Variants in CTNNA2 observed in about 807,000 individuals in gnomAD.
CTNNA2 encodes the protein catenin alpha-2.
CTNNA2 carries 42 observed loss-of-function variants against 101.0 expected under a neutral mutation model. The observed-to-expected ratio is 0.42, with a 90% CI of 0.32 to 0.54. CTNNA2 has a LOEUF of 0.54. CTNNA2 is among the 20% of genes least tolerant of loss of function. The probability of loss-of-function intolerance (pLI) is 0.14; values close to 1 mark genes in which losing one functional copy is unlikely to be tolerated. For synonymous variants in CTNNA2, 450 were observed against 456.4 expected (o/e 0.99, Z 0.18); for missense variants, 871 against 1,223.1 (o/e 0.71, Z 4.29).
chr2:79,707,754 A>T (rs1328145069), intron 2 of CTNNA2, among the ~76,000 whole-genome samples: 2 of 152,236 alleles, frequency 1.3e-5, no homozygotes, highest in South Asian at 2.1e-4. Flanking sequence ...CACCACACCC[A>T]TCCTGATAAC....
chr2:80,008,528 C>T (rs190589701), intron 7 of CTNNA2, among the ~76,000 whole-genome samples: 13 of 152,238 alleles, frequency 8.5e-5, no homozygotes, highest in East Asian at 5.8e-4. Flanking sequence ...CTTAACTCTC[C>T]GTGAGTATTC....
chr2:80,306,404 C>CTTTTCT lies in CTNNA2; in HGVS notation c.1057-86804_1057-86803insTCTTTT, dbSNP rs111911483. Among the ~76,000 whole-genome samples, 341 of 59,698 alleles carry CTTTTCT rather than the reference C, an allele frequency of 5.7e-3. 1 individual carries two copies. Among genetic ancestry groups the CTTTTCT allele is most frequent in the African/African-American group, 0.013 (224 of 17,634 alleles). The allele number at this position is 59,698 out of a possible 152,430, so 39.2% of individuals were successfully genotyped here. On this transcript the variant is annotated intron_variant, in intron 7 of 18. Coordinates refer to ENST00000402739, the MANE Select transcript of CTNNA2 (RefSeq NM_001282597.3). The stretch of plus-strand genomic sequence containing the variant: ...CTTTTCTTTTCTTTTCTTTTCTTTT[C>CTTTTCT]TTTCTTTCTTTCTTTCTTTCTTTCT...
At chr2:79,744,712 T>C (rs1239977158) in intron 3 of CTNNA2, 130 bp downstream of exon 3, 1 of 854,490 alleles carries the variant, frequency 1.2e-6, no homozygotes, top group South Asian at 2.0e-5. Context: ...TCTACACTTG[T>C]CATTTTTAAT....
intron 6 of CTNNA2, among the ~76,000 whole-genome samples, chr2:79,876,731 A>G (rs1683051162): frequency 6.6e-6 from 1 of 152,214 alleles, no homozygotes; most frequent in Non-Finnish European, 1.5e-5. Flanking sequence ...TCAGTGCAAC[A>G]GTGCAAAAGG....
At position 80,231,590 on chromosome 2, in the gene CTNNA2, T is replaced by C. The variant is rs571619158; in HGVS notation, c.1057-161621T>C. 2.0e-5 allele frequency among the ~76,000 whole-genome samples: 3 copies of C among 152,306 alleles called. No homozygotes were observed. The South Asian group carries it at 6.2e-4, about 32-fold the overall frequency. On this transcript the variant is annotated intron_variant, in intron 7 of 18. Coordinates refer to ENST00000402739, the MANE Select transcript of CTNNA2 (RefSeq NM_001282597.3). Reference sequence around the variant, plus strand: ...AGGAGGGGTCAGACATGTTTCATTATACTTTCCTCCTCTTGGAGGTTAGAC... The same window carrying C: ...AGGAGGGGTCAGACATGTTTCATTACACTTTCCTCCTCTTGGAGGTTAGAC...
intron 7 of CTNNA2, among the ~76,000 whole-genome samples, chr2:80,345,615 A>G (rs990059606): frequency 3.9e-5 from 6 of 151,968 alleles, no homozygotes; most frequent in Non-Finnish European, 8.8e-5. Flanking sequence ...CTGCTATATC[A>G]TCAGTGCCCG....
At chr2:80,162,949 G>C (rs72926643) in intron 7 of CTNNA2, 1 of 1,539,012 alleles carries the variant, frequency 6.5e-7, no homozygotes, top group Non-Finnish European at 9.0e-7. Context: ...TGATATTGGG[G>C]ATATGGCAAA....
At chr2:79,728,583 G>A (rs1158325638) in intron 2 of CTNNA2, among the ~76,000 whole-genome samples, 1 of 152,138 alleles carries the variant, frequency 6.6e-6, no homozygotes, top group Non-Finnish European at 1.5e-5. Context: ...AGTTTAATTA[G>A]ATCCCATTTG....
chr2:79,206,000 G>GA (rs1369499027), intron 2 of CTNNA2, among the ~76,000 whole-genome samples: 1 of 151,958 alleles, frequency 6.6e-6, no homozygotes, highest in Non-Finnish European at 1.5e-5. Flanking sequence ...CTAAGAAGCT[G>GA]AAAAAACAGT....
intron 4 of CTNNA2, among the ~76,000 whole-genome samples, chr2:79,486,335 T>C (rs1270297051): frequency 6.6e-6 from 1 of 151,810 alleles, no homozygotes; most frequent in Non-Finnish European, 1.5e-5. Flanking sequence ...TTTGGTTTTT[T>C]GTCCTTGTGA....
Position 80,626,944 on chromosome 2 carries a change from T to G in CTNNA2, c.2574+7716T>G, listed in dbSNP as rs560349749. ...GTGTTCTCATTGTTCAACTCCCACT[T>G]ATGGTGAGAATGTGCGGTGTTTGGT... On this transcript the variant is annotated intron_variant, in intron 18 of 18. Coordinates refer to ENST00000402739, the MANE Select transcript of CTNNA2 (RefSeq NM_001282597.3). Among the ~76,000 whole-genome samples the G allele has an allele frequency of 2.0e-5, 3 of 152,136 alleles. No homozygotes were observed. In the South Asian group the frequency reaches 6.2e-4, roughly 32 times the overall value.
chr2:79,268,967 C>G (rs1675025218), intron 2 of CTNNA2, among the ~76,000 whole-genome samples: 1 of 152,002 alleles, frequency 6.6e-6, no homozygotes. Context: ...TAGTTAGAAC[C>G]TCTGTGTTGG....
chr2:79,734,052 A>C (rs1435623103), intron 2 of CTNNA2, among the ~76,000 whole-genome samples: 2 of 152,278 alleles, frequency 1.3e-5, no homozygotes, highest in South Asian at 2.1e-4. Flanking sequence ...TAGTAAATGC[A>C]AAATAGTGAT....
At chr2:80,427,607 G>T (rs1226841169) in intron 9 of CTNNA2, among the ~76,000 whole-genome samples, 1 of 152,184 alleles carries the variant, frequency 6.6e-6, no homozygotes, top group Non-Finnish European at 1.5e-5. Flanking sequence ...TCTTGACTTA[G>T]TTACTCCTGA....
intron 3 of CTNNA2, among the ~76,000 whole-genome samples, chr2:79,322,025 A>G (rs935015804): frequency 2.0e-5 from 3 of 152,252 alleles, no homozygotes; most frequent in Admixed American, 1.3e-4. Context: ...TAAAAATTAC[A>G]GTGATCACAT....
At chr2:79,504,216 AC>A (rs1199542604) in intron 4 of CTNNA2, among the ~76,000 whole-genome samples, 10 of 152,120 alleles carry the variant, frequency 6.6e-5, no homozygotes, top group African/African-American at 2.4e-4. Context: ...TATGTGAACT[AC>A]TGTTTTTTTT....
intron 7 of CTNNA2, among the ~76,000 whole-genome samples, chr2:80,022,451 A>G (rs746024840): frequency 2.0e-4 from 30 of 152,278 alleles, no homozygotes; most frequent in East Asian, 1.9e-4. Context: ...TTGATCTGAG[A>G]GCTGAAGGGC....
At chr2:79,751,440 A>G (rs10173428) in intron 3 of CTNNA2, among the ~76,000 whole-genome samples, 6,452 of 151,964 alleles carry the variant, frequency 0.042, 450 homozygotes, top group African/African-American at 0.14. Context: ...CTAAAAATTC[A>G]AAATAATTAG....
chr2:79,587,204 G>A (rs532520803), intron 1 of CTNNA2, among the ~76,000 whole-genome samples: 64 of 152,136 alleles, frequency 4.2e-4, no homozygotes, highest in African/African-American at 1.5e-3. Flanking sequence ...ATGGCTGGAT[G>A]GAACGGTAGT....
Sources: gnomAD v4.1 joint callset for allele counts (sites outside exome capture counted in the v4.1 genomes callset) on GRCh38, gnomAD v4.1.1 for gene constraint, MANE v1.5 for transcripts, NCBI Gene and HGNC (gene_info 2026-07-23, HGNC 2026-07-21) for gene names.